The following METTL9 variants were observed in gnomAD, a reference collection of about 807,000 sequenced individuals.
The protein encoded by METTL9 is protein-L-histidine N-pros-methyltransferase.
In METTL9, 10 loss-of-function variants were observed where a neutral mutation model predicts 36.0. The observed-to-expected ratio is 0.28, with a 90% confidence interval of 0.17 to 0.47. The LOEUF is 0.47. METTL9 is among the 20% of genes least tolerant of loss of function. METTL9 has a pLI of 0.99. For synonymous variants in METTL9, 175 were observed against 149.7 expected (o/e 1.17, Z -1.23); for missense variants, 246 against 383.5 (o/e 0.64, Z 3.00).
intron 3 of METTL9, among the ~76,000 whole-genome samples, chr16:21,624,171 A>T (rs1310509402): frequency 6.6e-6 from 1 of 152,230 alleles, no homozygotes; most frequent in African/African-American, 2.4e-5. Flanking sequence ...AATGGAAATT[A>T]TTTTATACCA....
chr16:21,598,750 T>TA (rs538551529), upstream of METTL9, among the ~76,000 whole-genome samples: 11 of 152,232 alleles, frequency 7.2e-5, no homozygotes, highest in Admixed American at 3.3e-4. Flanking sequence ...AGTTCACTCT[T>TA]AAGAGTGTTG....
chr16:21,626,942 G>T (rs781188943), intron 4 of METTL9: 340 of 985,054 alleles, frequency 3.5e-4, no homozygotes, highest in Middle Eastern at 5.2e-4. Context: ...GCTAAAAATG[G>T]AGAGGAAGTC....
intron 4 of METTL9, among the ~76,000 whole-genome samples, chr16:21,649,625 C>T (rs999418613): frequency 6.6e-6 from 1 of 152,208 alleles, no homozygotes; most frequent in Non-Finnish European, 1.5e-5. Context: ...TAAGCACTGT[C>T]TCAGTCTCAA....
chr16:21,609,717 G>C (rs1242474399), intron 1 of METTL9, among the ~76,000 whole-genome samples: 3 of 152,052 alleles, frequency 2.0e-5, no homozygotes, highest in Non-Finnish European at 4.4e-5. Flanking sequence ...GGGGTCATGG[G>C]TTGGTAGGGA....
intron 2 of METTL9, among the ~76,000 whole-genome samples, chr16:21,616,745 C>G (rs1477246756): frequency 2.0e-5 from 3 of 152,206 alleles, no homozygotes; most frequent in African/African-American, 7.2e-5. Context: ...CCTCTTTTCT[C>G]TAGTGTCTCT....
intron 4 of METTL9, among the ~76,000 whole-genome samples, chr16:21,632,875 A>G (rs985213128): frequency 1.3e-5 from 2 of 152,096 alleles, no homozygotes; most frequent in African/African-American, 4.8e-5. Flanking sequence ...GGACTCCAAG[A>G]GCTATCCCTG....
Position 21,603,417 on chromosome 16 carries a change from G to A in METTL9, c.165+3519G>A, listed in dbSNP as rs116861750. Among the ~76,000 whole-genome samples the A allele has an allele frequency of 3.1e-3, 478 of 152,308 alleles. 2 individuals carry two copies. Among genetic ancestry groups the A allele is most frequent in the Middle Eastern group, 0.01 (3 of 294 alleles). On this transcript the variant is annotated intron_variant, in intron 1 of 4. Transcript: ENST00000358154. The stretch of plus-strand genomic sequence containing the variant: ...GCTTCCCAAAGTGCTGGAATTACAG[G>A]AGTGAGCCACTGCAACCAGCCTCCA...
intron 1 of METTL9, among the ~76,000 whole-genome samples, chr16:21,600,879 C>T (rs547788278): frequency 1.8e-4 from 28 of 152,132 alleles, no homozygotes; most frequent in Non-Finnish European, 3.8e-4. Flanking sequence ...TAATTATTCC[C>T]TATATCATCT....
intron 4 of METTL9, among the ~76,000 whole-genome samples, chr16:21,642,561 C>T (rs1966300149): frequency 6.6e-6 from 1 of 152,162 alleles, no homozygotes; most frequent in South Asian, 2.1e-4. Flanking sequence ...GGAATACTTT[C>T]AGGATGTATT....
chr16:21,604,913 C>A (rs1310674193), intron 1 of METTL9, among the ~76,000 whole-genome samples: 3 of 152,096 alleles, frequency 2.0e-5, no homozygotes, highest in African/African-American at 7.2e-5. Context: ...TTAGGCATTC[C>A]CTTGAACTGT....
At chr16:21,599,513 G>A (rs1306986849), upstream of METTL9, 4 of 1,243,868 alleles carry the variant, frequency 3.2e-6, no homozygotes, top group Non-Finnish European at 3.0e-6. The surrounding 1 kb of genome is among the most constrained non-coding windows in gnomAD (Gnocchi z 4.4). Flanking sequence ...ACTGGTGCAG[G>A]GGGCAGCGGC....
chr16:21,625,694 T>A (rs1965800778), intron 4 of METTL9, among the ~76,000 whole-genome samples: 2 of 152,160 alleles, frequency 1.3e-5, no homozygotes, highest in Admixed American at 6.5e-5. Context: ...ACGGGTTGAT[T>A]TCATATCACT....
chr16:21,597,411 T>A (rs1964971523), upstream of METTL9: 10 of 658,250 alleles, frequency 1.5e-5, no homozygotes, highest in Non-Finnish European at 2.4e-5. Flanking sequence ...GAGTGTTTGG[T>A]GGTTATTATA....
chr16:21,652,796 CT>C (rs893287891), intron 4 of METTL9: 787 of 428,566 alleles, frequency 1.8e-3, no homozygotes, highest in South Asian at 3.7e-3. Context: ...ATGTGCATAT[CT>C]TTTTTTTTTC....
chr16:21,608,125 G>A (rs1299203009), intron 1 of METTL9, among the ~76,000 whole-genome samples: 1 of 151,814 alleles, frequency 6.6e-6, no homozygotes, highest in Non-Finnish European at 1.5e-5. Flanking sequence ...CTCCATCCTG[G>A]GCGACAGAGC....
upstream of METTL9, among the ~76,000 whole-genome samples, chr16:21,597,817 A>G (rs752251999): frequency 1.3e-5 from 2 of 152,154 alleles, no homozygotes; most frequent in Non-Finnish European, 2.9e-5. Context: ...ACTTGCTACC[A>G]TAGTTCCTTT....
intron 4 of METTL9, among the ~76,000 whole-genome samples, chr16:21,636,531 A>G (rs1042241167): frequency 2.6e-5 from 4 of 152,168 alleles, no homozygotes; most frequent in South Asian, 2.1e-4. Context: ...GTCAGGGTAG[A>G]TAGAATAGAT....
At chr16:21,636,735 C>A (rs1168995751) in intron 4 of METTL9, among the ~76,000 whole-genome samples, 1 of 152,168 alleles carries the variant, frequency 6.6e-6, no homozygotes, top group South Asian at 2.1e-4. Flanking sequence ...GGTTGTTAGC[C>A]CTTTCCCAGA....
chr16:21,622,698 T>G (rs1025207128), intron 3 of METTL9, among the ~76,000 whole-genome samples: 5 of 152,228 alleles, frequency 3.3e-5, no homozygotes, highest in African/African-American at 1.2e-4. Flanking sequence ...GCACTTGAGC[T>G]TCTATAGGTA....
Sources: gnomAD v4.1 joint callset for allele counts (sites outside exome capture counted in the v4.1 genomes callset) on GRCh38, gnomAD v4.1.1 for gene constraint, Gnocchi (gnomAD v3.1) non-coding constraint, MANE v1.5 for transcripts, NCBI Gene and HGNC (gene_info 2026-07-23, HGNC 2026-07-21) for gene names.